Variants in SOCS7 observed in about 807,000 individuals in gnomAD.
SOCS7 encodes the protein NAP-4.
In SOCS7, 18 loss-of-function variants were observed where a neutral mutation model predicts 58.9. The observed-to-expected ratio is 0.31, with a 90% CI of 0.21 to 0.45. The LOEUF (loss-of-function observed/expected upper bound fraction) is 0.45, where lower values mean the gene tolerates loss of function less well. Ranked by LOEUF, SOCS7 falls within the 20% of genes least tolerant of loss-of-function variation. The probability of loss-of-function intolerance (pLI) is 1.00; values close to 1 mark genes in which losing one functional copy is unlikely to be tolerated. For missense variants in SOCS7, 667 were observed against 837.3 expected, an observed-to-expected ratio of 0.80 and a Z score of 2.51; for synonymous variants, 388 against 364.3, an observed-to-expected ratio of 1.06 and a Z score of -0.74.
At chr17:38,375,453 T>C (rs933204200) in intron 6 of SOCS7, among the ~76,000 whole-genome samples, 1 of 152,196 alleles carries the variant, frequency 6.6e-6, no homozygotes, top group African/African-American at 2.4e-5. Context: ...ATAGTAAATA[T>C]ATTTTCTCTT....
chr17:38,372,489 G>A (rs1259709743), intron 6 of SOCS7, among the ~76,000 whole-genome samples: 1 of 152,220 alleles, frequency 6.6e-6, no homozygotes, highest in Non-Finnish European at 1.5e-5. Context: ...GAGCTCAAGT[G>A]TTGCAAGTAT....
At chr17:38,383,404 C>T (rs929332509) in intron 7 of SOCS7, among the ~76,000 whole-genome samples, 1 of 152,106 alleles carries the variant, frequency 6.6e-6, no homozygotes, top group Non-Finnish European at 1.5e-5. Context: ...GTTCTCCTGG[C>T]CCTATAAAGG....
intron 7 of SOCS7, among the ~76,000 whole-genome samples, chr17:38,380,888 A>C (rs903777669): frequency 1.3e-5 from 2 of 152,070 alleles, no homozygotes; most frequent in African/African-American, 4.8e-5. Context: ...AAATTTAAAA[A>C]TAAAATAATA....
In SOCS7 at chr17:38,395,987, T is replaced by G; in HGVS notation, c.*19T>G. 6.3e-7 allele frequency: 1 copy of G among 1,591,788 alleles called. No homozygotes were observed. Among genetic ancestry groups the G allele is most frequent in the Non-Finnish European group, 8.5e-7 (1 of 1,174,858 alleles). ...CACGTAGCGAGGGGCTCCCTGCTGG[T>G]CACCACCAAGGGTATGAGCTCTCTG... On this transcript the variant is annotated 3_prime_UTR_variant, in exon 9 of 10. Transcript: ENST00000612932.
intron 7 of SOCS7, among the ~76,000 whole-genome samples, chr17:38,388,185 T>C (rs2038105893): frequency 1.3e-5 from 2 of 152,088 alleles, no homozygotes; most frequent in African/African-American, 4.8e-5. Context: ...CCTCTCTCCC[T>C]CCCTTCCTTC....
chr17:38,362,325 T>A (rs1309484781), intron 2 of SOCS7, among the ~76,000 whole-genome samples: 1 of 152,242 alleles, frequency 6.6e-6, no homozygotes, highest in Non-Finnish European at 1.5e-5. Flanking sequence ...GGAACACAGT[T>A]GCTAAACTAG....
At chr17:38,380,641 A>T (rs146989050) in intron 7 of SOCS7, among the ~76,000 whole-genome samples, 3,491 of 151,450 alleles carry the variant, frequency 0.023, 83 homozygotes, top group African/African-American at 0.062. Flanking sequence ...AAAAAAAAAA[A>T]AATAATAATA....
rs1269515665 is a variant in SOCS7 at position 38,387,133 on chromosome 17, G to GTGTATATATATATATATATATA, written c.1682-8175_1682-8174insGTATATATATATATATATATAT. 8.2e-5 allele frequency among the ~76,000 whole-genome samples: 6 copies of GTGTATATATATATATATATATA among 73,478 alleles called. 1 individual carries two copies. The highest frequency in any genetic ancestry group is 4.2e-4 in the African/African-American group (6 of 14,274). 48.2% of individuals were successfully genotyped at this position (73,478 alleles called of 152,430 possible). ...TATATATATATATATATATATGTAT[G>GTGTATATATATATATATATATA]TATATATATATATATATATGATTAA... On this transcript the variant is annotated intron_variant, in intron 7 of 9. Transcript: ENST00000612932.
At chr17:38,366,562 A>G in intron 5 of SOCS7, 145 bp downstream of exon 5, 1 of 989,918 alleles carries the variant, frequency 1.0e-6, no homozygotes, top group Non-Finnish European at 1.5e-6. Context: ...TGGCATAATC[A>G]TAGCTCACTG....
chr17:38,380,703 A>G (rs1410447397), intron 7 of SOCS7, among the ~76,000 whole-genome samples: 1 of 151,568 alleles, frequency 6.6e-6, no homozygotes, highest in Non-Finnish European at 1.5e-5. Context: ...TACTAAAAAT[A>G]CAAAAATTAG....
chr17:38,357,388 C>G (rs996929432), intron 1 of SOCS7, among the ~76,000 whole-genome samples: 6 of 152,154 alleles, frequency 3.9e-5, no homozygotes, highest in Non-Finnish European at 7.3e-5. Context: ...TGGCAGCTCT[C>G]CTTTAGAACG....
At chr17:38,388,369 A>G (rs543216115) in intron 7 of SOCS7, among the ~76,000 whole-genome samples, 1 of 152,038 alleles carries the variant, frequency 6.6e-6, no homozygotes, top group African/African-American at 2.4e-5. Flanking sequence ...AAATACAAAA[A>G]TTAGCTAGGA....
At chr17:38,362,880 G>A (rs959031002) in intron 2 of SOCS7, among the ~76,000 whole-genome samples, 38 of 152,218 alleles carry the variant, frequency 2.5e-4, no homozygotes, top group African/African-American at 8.9e-4. Flanking sequence ...GGAGGTTGAA[G>A]TGAGCAGATC....
At position 38,387,133 on chromosome 17, in the gene SOCS7, G is replaced by A. The variant is rs1187171489; in HGVS notation, c.1682-8176G>A. Among the ~76,000 whole-genome samples, 397 of 73,258 alleles carry A rather than the reference G, an allele frequency of 5.4e-3. 16 individuals are homozygous for A. Among genetic ancestry groups the A allele is most frequent in the African/African-American group, 0.013 (188 of 14,186 alleles). The allele number at this position is 73,258 out of a possible 152,430, so 48.1% of individuals were successfully genotyped here. On this transcript the variant is annotated intron_variant, in intron 7 of 9. Coordinates refer to ENST00000612932, the MANE Select transcript of SOCS7 (RefSeq NM_014598.4). ...TATATATATATATATATATATGTAT[G>A]TATATATATATATATATATGATTAA... is the stretch of plus-strand genomic sequence containing the variant.
chr17:38,352,353 C>G lies in SOCS7; in HGVS notation c.301C>G (p.Pro101Ala). The G allele has an allele frequency of 6.9e-7, 1 of 1,458,512 alleles. No homozygotes were observed. The highest frequency in any genetic ancestry group is 8.9e-7 in the Non-Finnish European group (1 of 1,117,562). 90.3% of individuals were successfully genotyped at this position (1,458,512 alleles called of 1,614,324 possible). The change falls in exon 1 of 10, where the codon CCC (proline) becomes GCC (alanine). Residue 101 changes from proline (P) to alanine (A), a missense_variant. By Grantham distance (27) the Pro-to-Ala change is conservative. Transcript: ENST00000612932. The surrounding 1 kb of genome is among the most constrained non-coding windows in gnomAD (Gnocchi z 5.5). Reference protein sequence around the residue: ...LCPRHRCALDPKALPPGLALE... With the variant: ...LCPRHRCALDAKALPPGLALE... The stretch of plus-strand genomic sequence containing the variant: ...TCCCCGGCACCGCTGTGCCCTGGAC[C>G]CCAAGGCCCTGCCGCCGGGCTTGGC...
chr17:38,363,135 C>T (rs1467160695), intron 2 of SOCS7, among the ~76,000 whole-genome samples: 4 of 152,038 alleles, frequency 2.6e-5, no homozygotes, highest in Non-Finnish European at 5.9e-5. Context: ...ACACCACCTA[C>T]ATTTGTAGTT....
In SOCS7 at chr17:38,402,964, G is replaced by T. The variant is rs910804730; in HGVS notation, c.*3482G>T. 5 of 152,206 alleles carry T rather than the reference G, an allele frequency of 3.3e-5. No individual in the cohort carries two copies. The highest frequency in any genetic ancestry group is 1.5e-5 in the Non-Finnish European group (1 of 68,046). The allele number at this position is 152,206 out of a possible 1,614,324, so 9.4% of individuals were successfully genotyped here. ...TACAACTTGCTGTTACTTGAAATTC[G>T]TGTGCTATGTTGGTAGCACAGGAGT... is the stretch of plus-strand genomic sequence containing the variant. On this transcript the variant is annotated 3_prime_UTR_variant, in exon 10 of 10. Transcript: ENST00000612932.
At chr17:38,358,574 T>TTTG (rs1555567140) in intron 1 of SOCS7, among the ~76,000 whole-genome samples, 1 of 151,870 alleles carries the variant, frequency 6.6e-6, no homozygotes, top group Admixed American at 6.6e-5. Flanking sequence ...AGTATCTTGC[T>TTTG]TTGTTGTTGT....
rs1306744302 is a variant in SOCS7 at position 38,369,783 on chromosome 17, C to A, written c.1552+1733C>A. Reference sequence around the variant, plus strand: ...CTCCACCTCCTTGGTTCAAGCAATTCTTTTTTTGTTTGTTTTTTTTTTTTT... The same window carrying A: ...CTCCACCTCCTTGGTTCAAGCAATTATTTTTTTGTTTGTTTTTTTTTTTTT... On this transcript the variant is annotated intron_variant, in intron 6 of 9. Transcript: ENST00000612932. 2.5e-4 allele frequency among the ~76,000 whole-genome samples: 36 copies of A among 143,138 alleles called. No individual in the cohort carries two copies. In the Admixed American group the frequency reaches 2.6e-3, roughly 10 times the overall value. The allele number at this position is 143,138 out of a possible 152,430, so 93.9% of individuals were successfully genotyped here.
Sources: gnomAD v4.1 joint callset for allele counts (sites outside exome capture counted in the v4.1 genomes callset) on GRCh38, gnomAD v4.1.1 for gene constraint, Gnocchi (gnomAD v3.1) non-coding constraint, MANE v1.5 for transcripts, NCBI Gene and HGNC (gene_info 2026-07-23, HGNC 2026-07-21) for gene names.